The following AOPEP variants were observed in gnomAD, a reference collection of about 807,000 sequenced individuals.
The protein encoded by AOPEP is aminopeptidase O.
In AOPEP, 77 loss-of-function variants were observed where a neutral mutation model predicts 98.1. The observed-to-expected ratio is 0.78, with a 90% CI of 0.65 to 0.95. The LOEUF (loss-of-function observed/expected upper bound fraction) is 0.95, where lower values mean the gene tolerates loss of function less well. Among genes scored for constraint, AOPEP ranks in the 40% least tolerant of loss-of-function variants. The probability of loss-of-function intolerance (pLI) is 0.00; values close to 1 mark genes in which losing one functional copy is unlikely to be tolerated. For synonymous variants in AOPEP, 346 were observed against 365.3 expected, an observed-to-expected ratio of 0.95 and a Z score of 0.60; for missense variants, 1,024 against 1,024.7, an observed-to-expected ratio of 1.00 and a Z score of 0.01.
chr9:94,923,562 A>G (rs1265793815), intron 5 of AOPEP, among the ~76,000 whole-genome samples: 2 of 151,992 alleles, frequency 1.3e-5, no homozygotes, highest in East Asian at 1.9e-4. Flanking sequence ...TGACTTCTCA[A>G]TTTGTTTGTA....
chr9:94,790,856 C>T (rs967019979), intron 3 of AOPEP, among the ~76,000 whole-genome samples: 6 of 151,772 alleles, frequency 4.0e-5, no homozygotes, highest in Admixed American at 1.3e-4. Flanking sequence ...ATCCAATCAC[C>T]GACCAAATTG....
At chr9:94,748,249 C>T (rs538973036) in intron 1 of AOPEP, among the ~76,000 whole-genome samples, 137 of 152,188 alleles carry the variant, frequency 9.0e-4, no homozygotes, top group Non-Finnish European at 1.3e-3. Flanking sequence ...TCATCTGTGT[C>T]GTTGTTCCTC....
chr9:95,077,823 G>A (rs1022301431), intron 14 of AOPEP, among the ~76,000 whole-genome samples: 2 of 152,170 alleles, frequency 1.3e-5, no homozygotes, highest in African/African-American at 2.4e-5. Flanking sequence ...AATGGCATGC[G>A]AATTGTGGGT....
At chr9:95,093,000 G>A in the AOPEP span, among the ~76,000 whole-genome samples, 1 of 152,190 alleles carries the variant, frequency 6.6e-6, no homozygotes, top group Non-Finnish European at 1.5e-5. Context: ...CATGAATTAC[G>A]GCATAACTCA....
downstream of AOPEP, among the ~76,000 whole-genome samples, chr9:95,091,599 G>A (rs1350984380): frequency 2.6e-5 from 4 of 152,156 alleles, no homozygotes; most frequent in Admixed American, 6.5e-5. Context: ...CCCAGCACCC[G>A]CGGGACAGTG....
At chr9:94,780,408 T>C (rs903305123) in intron 3 of AOPEP, among the ~76,000 whole-genome samples, 10 of 152,206 alleles carry the variant, frequency 6.6e-5, no homozygotes, top group African/African-American at 1.9e-4. Flanking sequence ...TAGATGCTTA[T>C]TGAGATTTAC....
At chr9:94,727,829 C>G (rs911809210) in intron 1 of AOPEP, among the ~76,000 whole-genome samples, 1 of 152,166 alleles carries the variant, frequency 6.6e-6, no homozygotes, top group Non-Finnish European at 1.5e-5. Context: ...TTACTGTTGG[C>G]CCATCTGCTT....
intron 13 of AOPEP, among the ~76,000 whole-genome samples, chr9:95,037,758 C>G (rs555062380): frequency 1.3e-5 from 2 of 152,284 alleles, no homozygotes; most frequent in Admixed American, 1.3e-4. Context: ...AAGGGCCATG[C>G]TTACTCCTGA....
intron 5 of AOPEP, among the ~76,000 whole-genome samples, chr9:94,844,508 ATCTTC>A (rs1032510456): frequency 2.6e-5 from 4 of 152,146 alleles, no homozygotes; most frequent in African/African-American, 7.2e-5. Context: ...AACATTCAAA[ATCTTC>A]TCTTAAAGTT....
At chr9:95,103,506 G>A in the AOPEP span, among the ~76,000 whole-genome samples, 2 of 152,210 alleles carry the variant, frequency 1.3e-5, no homozygotes, top group Non-Finnish European at 2.9e-5. Context: ...GACAGGAGGT[G>A]GAGCCCCAGG....
At chr9:95,032,364 C>A (rs558393039) in intron 13 of AOPEP, among the ~76,000 whole-genome samples, 2 of 152,324 alleles carry the variant, frequency 1.3e-5, no homozygotes, top group East Asian at 3.9e-4. Context: ...AGCCTGTCCA[C>A]CTCCCAGGGA....
rs1342878088 is a variant in AOPEP, at chr9:95,082,605, A to G, written c.2350A>G (p.Met784Val). Residue 784 changes from methionine to valine, a missense_variant, in exon 16 of 17, where the codon ATG becomes GTG. By Grantham distance (21) the Met-to-Val change is conservative. Transcript: ENST00000375315. ...GGGTGTGTACCTCTACGGGGAGCTG[A>G]TGGTGAGTGAGGACGCCAGACAGCA... ...AMGVYLYGEL[M>V]VSEDARQQQL... 1 of 1,614,188 alleles carries G rather than the reference A, an allele frequency of 6.2e-7. No individual in the cohort carries two copies. The highest frequency in any genetic ancestry group is 8.5e-7 in the Non-Finnish European group (1 of 1,180,020).
intron 2 of AOPEP, among the ~76,000 whole-genome samples, chr9:94,764,607 T>G (rs1330852672): frequency 6.6e-6 from 1 of 152,102 alleles, no homozygotes; most frequent in African/African-American, 2.4e-5. Flanking sequence ...GTCTTTGTGC[T>G]ACTGCACTCC....
At chr9:94,859,919 T>TA (rs1491387213) in intron 5 of AOPEP, among the ~76,000 whole-genome samples, 2 of 152,228 alleles carry the variant, frequency 1.3e-5, no homozygotes, top group Admixed American at 6.5e-5. Context: ...TACTGAACAC[T>TA]AAATTCTTCG....
intron 13 of AOPEP, among the ~76,000 whole-genome samples, chr9:95,009,248 A>G (rs2132831886): frequency 6.6e-6 from 1 of 151,902 alleles, no homozygotes; most frequent in Admixed American, 6.6e-5. Context: ...TCAAAGATAA[A>G]ATTGTGTGCC....
At chr9:94,891,448 A>G (rs1588727734) in intron 5 of AOPEP, among the ~76,000 whole-genome samples, 2 of 151,964 alleles carry the variant, frequency 1.3e-5, no homozygotes, top group African/African-American at 4.8e-5. Context: ...TTTTATTTTT[A>G]TTTTATGCTT....
intron 7 of AOPEP, among the ~76,000 whole-genome samples, chr9:94,931,484 A>G (rs887879410): frequency 6.6e-6 from 1 of 152,190 alleles, no homozygotes; most frequent in Admixed American, 6.5e-5. Context: ...GTTTACTCCC[A>G]TCCCCTAGAA....
chr9:95,118,182 C>G, the AOPEP span, among the ~76,000 whole-genome samples: 1 of 152,132 alleles, frequency 6.6e-6, no homozygotes, highest in African/African-American at 2.4e-5. Flanking sequence ...CCACACCTGG[C>G]TAATTTTTGC....
chr9:95,082,310 G>A (rs1405631695), intron 15 of AOPEP, among the ~76,000 whole-genome samples: 2 of 152,196 alleles, frequency 1.3e-5, no homozygotes, highest in South Asian at 2.1e-4. Flanking sequence ...CCTGCTCATC[G>A]TTCTGTCACC....
Sources: allele counts gnomAD v4.1 joint callset (sites outside exome capture counted in the v4.1 genomes callset), GRCh38; gene constraint gnomAD v4.1.1; transcripts MANE v1.5; gene names NCBI Gene and HGNC (gene_info 2026-07-23, HGNC 2026-07-21).